The following OR2L13 variants were observed in gnomAD, a reference collection of about 807,000 sequenced individuals.
The protein encoded by OR2L13 is olfactory receptor family 2 subfamily L member 13, also known as olfactory receptor 2L13.
OR2L13 carries 14 observed loss-of-function variants against 15.3 expected under a neutral mutation model. That is an observed-to-expected ratio of 0.91 (90% confidence interval 0.60 to 1.43). OR2L13 has a LOEUF of 1.43. Among genes scored for constraint, OR2L13 ranks in the 40% most tolerant of loss-of-function variants. The pLI, the probability that OR2L13 is intolerant of heterozygous loss-of-function variation, is 0.00. For missense variants in OR2L13, 367 were observed against 387.9 expected (o/e 0.95, Z 0.45); for synonymous variants, 152 against 142.9 (o/e 1.06, Z -0.45).
chr1:248,062,749 A>G, the OR2L13 span: 3 of 152,194 alleles, frequency 2.0e-5, no homozygotes, highest in African/African-American at 7.2e-5. Context: ...AATGTTCCCA[A>G]CACAAAGAAA....
the OR2L13 span, among the ~76,000 whole-genome samples, chr1:248,055,077 G>C: frequency 6.6e-6 from 1 of 152,152 alleles, no homozygotes; most frequent in Non-Finnish European, 1.5e-5. Context: ...CTGTGGGTTT[G>C]TCATAAATGG....
At chr1:248,060,533 GAA>G in the OR2L13 span, 2 of 647,464 alleles carry the variant, frequency 3.1e-6, no homozygotes, top group Non-Finnish European at 5.5e-6. Flanking sequence ...TGTGTGGACA[GAA>G]AATAATAGTG....
chr1:247,958,874 G>A, the OR2L13 span, among the ~76,000 whole-genome samples: 2 of 152,078 alleles, frequency 1.3e-5, no homozygotes, highest in East Asian at 3.9e-4. Flanking sequence ...ACAGCACACT[G>A]ATGGGTTTTG....
the OR2L13 span, among the ~76,000 whole-genome samples, chr1:248,080,330 C>G: frequency 6.6e-6 from 1 of 151,900 alleles, no homozygotes; most frequent in African/African-American, 2.4e-5. Context: ...AGAACATGAG[C>G]GGGTTTGTTG....
chr1:248,096,504 A>G (rs1307290558), upstream of OR2L13, among the ~76,000 whole-genome samples: 3 of 152,222 alleles, frequency 2.0e-5, no homozygotes, highest in African/African-American at 7.2e-5. Context: ...ACATTTTCTC[A>G]GGGCGTGAGG....
At chr1:248,083,074 AAAAG>A in the OR2L13 span, among the ~76,000 whole-genome samples, 1 of 152,222 alleles carries the variant, frequency 6.6e-6, no homozygotes, top group Non-Finnish European at 1.5e-5. Context: ...GAATAAATAC[AAAAG>A]AAATGTGACA....
At chr1:248,098,231 T>A (rs1664776774) in intron 1 of OR2L13, among the ~76,000 whole-genome samples, 1 of 152,212 alleles carries the variant, frequency 6.6e-6, no homozygotes, top group South Asian at 2.1e-4. Flanking sequence ...TTATCTCAAT[T>A]TTAATTACAT....
At chr1:247,982,404 A>G in the OR2L13 span, among the ~76,000 whole-genome samples, 5,891 of 152,252 alleles carry the variant, frequency 0.039, 346 homozygotes, top group African/African-American at 0.13. Flanking sequence ...ATGAATCACT[A>G]CAATTTGGTT....
chr1:248,061,651 A>C, the OR2L13 span: 1 of 1,568,990 alleles, frequency 6.4e-7, no homozygotes, highest in Admixed American at 1.7e-5. Context: ...CTCAGGACTC[A>C]GATACACATC....
chr1:248,062,854 A>G, the OR2L13 span: 1 of 152,176 alleles, frequency 6.6e-6, no homozygotes, highest in African/African-American at 2.4e-5. Context: ...CTCCGCAATT[A>G]TATATTACTA....
At chr1:247,956,469 A>G in the OR2L13 span, among the ~76,000 whole-genome samples, 1 of 151,126 alleles carries the variant, frequency 6.6e-6, no homozygotes, top group Non-Finnish European at 1.5e-5. Flanking sequence ...AGTTTTTTCC[A>G]ATTCTGTGAA....
At chr1:248,028,846 C>A in the OR2L13 span, among the ~76,000 whole-genome samples, 4,784 of 152,210 alleles carry the variant, frequency 0.031, 228 homozygotes, top group African/African-American at 0.11. Flanking sequence ...CTTCCCACAT[C>A]AAATAAGGAG....
the OR2L13 span, among the ~76,000 whole-genome samples, chr1:247,995,659 A>G: frequency 6.6e-6 from 1 of 152,208 alleles, no homozygotes; most frequent in East Asian, 1.9e-4. Flanking sequence ...AAGAGCAGAA[A>G]CCTATCCACA....
At chr1:247,966,376 C>T in the OR2L13 span, 2 of 1,555,164 alleles carry the variant, frequency 1.3e-6, no homozygotes, top group Non-Finnish European at 1.7e-6. Flanking sequence ...TTCCTGAAAA[C>T]TATCTGGAAA....
At chr1:248,061,274 T>A in the OR2L13 span, 7 of 1,605,226 alleles carry the variant, frequency 4.4e-6, no homozygotes, top group Non-Finnish European at 6.0e-6. Context: ...GAGGGCACAG[T>A]GTTTTTGAGC....
At chr1:248,023,458 T>G in the OR2L13 span, 1 of 152,300 alleles carries the variant, frequency 6.6e-6, no homozygotes, top group Non-Finnish European at 1.5e-5. Flanking sequence ...TAGAACCTCT[T>G]AGACTACAGT....
At chr1:247,990,835 G>T in the OR2L13 span, 34 of 1,585,122 alleles carry the variant, frequency 2.1e-5, no homozygotes, top group Non-Finnish European at 2.8e-5. Context: ...AGCCTGCACG[G>T]ATACCTGGGT....
chr1:248,058,373 C>G, the OR2L13 span, among the ~76,000 whole-genome samples: 1 of 152,092 alleles, frequency 6.6e-6, no homozygotes. Flanking sequence ...GTAACTGCTC[C>G]CTCCTCCGTC....
chr1:248,083,202 T>A, the OR2L13 span, among the ~76,000 whole-genome samples: 1 of 152,154 alleles, frequency 6.6e-6, no homozygotes, highest in Non-Finnish European at 1.5e-5. Flanking sequence ...ATTTAGTTTT[T>A]AATCATAGAG....
Sources: gnomAD v4.1 joint callset for allele counts (sites outside exome capture counted in the v4.1 genomes callset) on GRCh38, gnomAD v4.1.1 for gene constraint, MANE v1.5 for transcripts, NCBI Gene and HGNC (gene_info 2026-07-23, HGNC 2026-07-21) for gene names.